IL1RAPL1: variants seen among roughly 807,000 people sequenced by gnomAD.
The protein encoded by IL1RAPL1 is interleukin 1 receptor accessory protein like 1, also known as interleukin-1 receptor accessory protein-like 1.
In IL1RAPL1, 3 loss-of-function variants were observed where a neutral mutation model predicts 48.4. The ratio of observed to expected loss-of-function variants is 0.06; its 90% confidence interval spans 0.03 to 0.16. The LOEUF (loss-of-function observed/expected upper bound fraction) is 0.16. Ranked by LOEUF, IL1RAPL1 falls within the 10% of genes least tolerant of loss-of-function variation. The pLI is 1.00. For synonymous variants in IL1RAPL1, 185 were observed against 187.7 expected, an observed-to-expected ratio of 0.99 and a Z score of 0.12; for missense variants, 349 against 530.6, an observed-to-expected ratio of 0.66 and a Z score of 3.36.
At chrX:29,791,837 T>A in intron 6 of IL1RAPL1, among the ~76,000 whole-genome samples, 2 of 108,389 alleles carry the variant, frequency 1.8e-5, no homozygotes, top group Admixed American at 2.0e-4. Context: ...TTCAAGCAGT[T>A]CTTCTGCCTC....
At position 29,882,388 on chromosome X, in the gene IL1RAPL1, A is replaced by G. The variant is rs555206495; in HGVS notation, c.779-35076A>G. 2.8e-4 allele frequency among the ~76,000 whole-genome samples: 31 copies of G among 111,881 alleles called. No individual in the cohort carries two copies. In the South Asian group the frequency reaches 0.012, roughly 42 times the overall value. On this transcript the variant is annotated intron_variant, in intron 6 of 10. Coordinates refer to ENST00000378993, the MANE Select transcript of IL1RAPL1 (RefSeq NM_014271.4). ...TACTATCCAGCTTATAATCCTGGAT[A>G]AATTATTTAATTGCTCTCAGTTTCA...
At chrX:29,064,617 TGTC>T (rs1927413032) in intron 2 of IL1RAPL1, among the ~76,000 whole-genome samples, 1 of 111,934 alleles carries the variant, frequency 8.9e-6, no homozygotes, top group African/African-American at 3.2e-5. Context: ...AGTCTCGCTC[TGTC>T]GTCCAGGCTG....
chrX:29,114,910 G>A (rs1368116335), intron 2 of IL1RAPL1, among the ~76,000 whole-genome samples: 2 of 111,584 alleles, frequency 1.8e-5, no homozygotes, highest in Admixed American at 1.9e-4. Flanking sequence ...TTAGAAGCAT[G>A]AGCCACTGAG....
At chrX:29,208,732 TAATAAATA>T (rs765774653) in intron 2 of IL1RAPL1, among the ~76,000 whole-genome samples, 3 of 81,774 alleles carry the variant, frequency 3.7e-5, no homozygotes, top group African/African-American at 5.1e-5. Flanking sequence ...ATAATAATAA[TAATAAATA>T]AATAAATAAA....
chrX:28,947,972 A>G (rs900543910), intron 2 of IL1RAPL1, among the ~76,000 whole-genome samples: 7 of 111,363 alleles, frequency 6.3e-5, no homozygotes, highest in Middle Eastern at 4.7e-3. Context: ...CTGAAACATT[A>G]AAGAGGCTAT....
intron 2 of IL1RAPL1, among the ~76,000 whole-genome samples, chrX:28,820,016 A>G (rs1936920243): frequency 3.3e-5 from 2 of 61,285 alleles, no homozygotes; most frequent in South Asian, 7.9e-4. Context: ...ATATATATAC[A>G]TGTACTGTAT....
chrX:29,767,953 A>G, intron 6 of IL1RAPL1, among the ~76,000 whole-genome samples: 1 of 108,118 alleles, frequency 9.2e-6, no homozygotes, highest in African/African-American at 3.6e-5. Context: ...ACAGTTGTAA[A>G]TTAAAAAAAA....
At chrX:29,129,588 ATTTT>A (rs754196116) in intron 2 of IL1RAPL1, among the ~76,000 whole-genome samples, 1 of 59,870 alleles carries the variant, frequency 1.7e-5, no homozygotes, top group Non-Finnish European at 2.8e-5. Flanking sequence ...AATAATGTAA[ATTTT>A]TTTTTTTTTT....
chrX:29,945,521 TTAA>T (rs1403126795), intron 9 of IL1RAPL1, among the ~76,000 whole-genome samples: 1 of 112,685 alleles, frequency 8.9e-6, no homozygotes. Flanking sequence ...GGAAAAATGT[TTAA>T]TAATATCCTA....
At chrX:29,202,305 A>G (rs985858732) in intron 2 of IL1RAPL1, among the ~76,000 whole-genome samples, 2 of 111,997 alleles carry the variant, frequency 1.8e-5, no homozygotes, top group Non-Finnish European at 3.8e-5. Flanking sequence ...CAAAATCACA[A>G]TGAGATACCA....
chrX:29,034,210 A>G lies in IL1RAPL1; in HGVS notation c.82+244785A>G, dbSNP rs771314221. On this transcript the variant is annotated intron_variant, in intron 2 of 10. Transcript: ENST00000378993. Reference sequence around the variant, plus strand: ...TGTAGATTTTTAGATATTTATGATTATTTTATTTTCTAATGCTGATATAAG... The same window carrying G: ...TGTAGATTTTTAGATATTTATGATTGTTTTATTTTCTAATGCTGATATAAG... 3.7e-3 allele frequency among the ~76,000 whole-genome samples: 412 copies of G among 111,828 alleles called. 3 individuals carry two copies. Among genetic ancestry groups the G allele is most frequent in the African/African-American group, 0.012 (365 of 30,877 alleles).
intron 2 of IL1RAPL1, among the ~76,000 whole-genome samples, chrX:29,190,458 T>C (rs920523192): frequency 2.7e-5 from 3 of 112,421 alleles, no homozygotes; most frequent in Non-Finnish European, 5.6e-5. Flanking sequence ...TATTAACTTA[T>C]GTTGGTGTTA....
chrX:28,607,010 T>G (rs1168656956), intron 1 of IL1RAPL1, among the ~76,000 whole-genome samples: 1 of 111,096 alleles, frequency 9.0e-6, no homozygotes, highest in Non-Finnish European at 1.9e-5. Flanking sequence ...GTGAAAATAC[T>G]GAAAAATAGT....
At chrX:29,451,953 A>G (rs906539566) in intron 5 of IL1RAPL1, among the ~76,000 whole-genome samples, 1 of 112,142 alleles carries the variant, frequency 8.9e-6, no homozygotes, top group Admixed American at 9.5e-5. Flanking sequence ...CTTTTTGTGC[A>G]TATCAGAATT....
chrX:29,403,041 TTTTTG>T (rs1934013916), intron 5 of IL1RAPL1, among the ~76,000 whole-genome samples: 1 of 111,577 alleles, frequency 9.0e-6, no homozygotes, highest in Non-Finnish European at 1.9e-5. Context: ...TATACTGTAG[TTTTTG>T]TCATCCATGC....
chrX:28,592,840 T>C (rs928495649), intron 1 of IL1RAPL1, among the ~76,000 whole-genome samples: 4 of 111,967 alleles, frequency 3.6e-5, no homozygotes, highest in Admixed American at 9.5e-5. Flanking sequence ...TGAATTTCAT[T>C]ATGCATGTTT....
At chrX:29,370,672 A>G (rs1298101690) in intron 3 of IL1RAPL1, among the ~76,000 whole-genome samples, 6 of 110,420 alleles carry the variant, frequency 5.4e-5, no homozygotes, top group African/African-American at 1.6e-4. Context: ...TTGGGCCTCA[A>G]TCACCTCCTA....
intron 3 of IL1RAPL1, among the ~76,000 whole-genome samples, chrX:29,293,835 C>CA (rs1932407177): frequency 9.1e-6 from 1 of 109,836 alleles, no homozygotes; most frequent in East Asian, 2.9e-4. Flanking sequence ...AACTATTCTC[C>CA]AAAAAAAATA....
At chrX:29,569,768 A>G (rs1922536043) in intron 5 of IL1RAPL1, among the ~76,000 whole-genome samples, 1 of 112,239 alleles carries the variant, frequency 8.9e-6, no homozygotes, top group Non-Finnish European at 1.9e-5. Flanking sequence ...GATAAATGGA[A>G]ACATGTTAAG....
Sources: allele counts gnomAD v4.1 joint callset (sites outside exome capture counted in the v4.1 genomes callset), GRCh38; gene constraint gnomAD v4.1.1; transcripts MANE v1.5; gene names NCBI Gene and HGNC (gene_info 2026-07-23, HGNC 2026-07-21).